Variants in MAP1B observed in about 807,000 individuals in gnomAD.
MAP1B encodes microtubule associated protein 1B, also known as microtubule-associated protein 1B.
A neutral mutation model predicts 176.1 loss-of-function variants in MAP1B; 12 were observed. The observed-to-expected ratio is 0.07, with a 90% CI of 0.04 to 0.11. The LOEUF (loss-of-function observed/expected upper bound fraction) is 0.11, where lower values mean the gene tolerates loss of function less well. Among genes scored for constraint, MAP1B ranks in the 10% least tolerant of loss-of-function variants. The probability of loss-of-function intolerance (pLI) is 1.00; values close to 1 mark genes in which losing one functional copy is unlikely to be tolerated. For missense variants in MAP1B, 2,523 were observed against 2,990.5 expected (o/e 0.84, Z 3.65); for synonymous variants, 1,044 against 1,135.0 (o/e 0.92, Z 1.61).
chr5:72,169,958 T>G (rs1746504100), intron 2 of MAP1B, among the ~76,000 whole-genome samples: 1 of 152,216 alleles, frequency 6.6e-6, no homozygotes, highest in South Asian at 2.1e-4. Context: ...GTATGATGCC[T>G]TATTTTATGG....
intron 2 of MAP1B, among the ~76,000 whole-genome samples, chr5:72,167,165 G>A (rs1235353568): frequency 6.6e-6 from 1 of 152,084 alleles, no homozygotes; most frequent in African/African-American, 2.4e-5. Context: ...ATGGTTTAGC[G>A]TTCTGCTAAA....
intron 3 of MAP1B, among the ~76,000 whole-genome samples, chr5:72,184,264 A>G (rs1466733104): frequency 6.6e-6 from 1 of 152,194 alleles, no homozygotes; most frequent in Non-Finnish European, 1.5e-5. Context: ...GCACACTCCT[A>G]TCGCTGTGGA....
intron 1 of MAP1B, among the ~76,000 whole-genome samples, chr5:72,114,472 A>G (rs781740782): frequency 3.3e-5 from 5 of 152,198 alleles, no homozygotes; most frequent in Admixed American, 6.5e-5. Context: ...TACCTTTAGG[A>G]GGTATGCAAT....
chr5:72,202,401 T>C (rs1284995799), intron 5 of MAP1B, among the ~76,000 whole-genome samples: 2 of 152,258 alleles, frequency 1.3e-5, no homozygotes, highest in African/African-American at 4.8e-5. Context: ...AATTAGCTTA[T>C]CCAATTATTA....
chr5:72,197,613 G>T lies in MAP1B; in HGVS notation c.4258G>T (p.Ala1420Ser). The T allele has an allele frequency of 6.2e-7, 1 of 1,614,202 alleles. No individual in the cohort carries two copies. Among genetic ancestry groups the T allele is most frequent in the Middle Eastern group, 1.6e-4 (1 of 6,062 alleles). ...AAGTTTTCTAAGTGCTGATGACAAGGCTTCTGGCAGAGGTGCCGAAAGTCC... is the reference window on the plus strand; with the variant it reads ...AAGTTTTCTAAGTGCTGATGACAAGTCTTCTGGCAGAGGTGCCGAAAGTCC... Reference protein sequence around the residue: ...YESFLSADDKASGRGAESPFE... With the variant: ...YESFLSADDKSSGRGAESPFE... The change falls in exon 5 of 7, where the codon GCT becomes TCT. Residue 1420 changes from alanine (A) to serine (S), a missense_variant. By Grantham distance (99) the Ala-to-Ser change is moderately conservative (BLOSUM62 1). This residue lies in a region of MAP1B where 1,925 missense variants were observed against 2,126.0 expected (regional missense o/e 0.91). Coordinates refer to ENST00000296755, the MANE Select transcript of MAP1B (RefSeq NM_005909.5).
At chr5:72,115,931 A>C (rs1745427743) in intron 2 of MAP1B, 132 bp downstream of exon 2, 1 of 627,820 alleles carries the variant, frequency 1.6e-6, no homozygotes, top group Admixed American at 2.5e-5. Context: ...ATTATCAACT[A>C]GGTTAGCCAG....
rs1747396525 is a variant in MAP1B at position 72,204,296 on chromosome 5, C to T, written c.7251+495C>T. Among the ~76,000 whole-genome samples, 1 of 152,156 alleles carries T rather than the reference C, an allele frequency of 6.6e-6. No homozygotes were observed. The highest frequency in any genetic ancestry group is 1.5e-5 in the Non-Finnish European group (1 of 68,028). On this transcript the variant is annotated intron_variant, in intron 6 of 6. Coordinates refer to ENST00000296755, the MANE Select transcript of MAP1B (RefSeq NM_005909.5). This position sits in a 1 kb window ranked among gnomAD's most constrained non-coding sequence, Gnocchi z 4.4. Reference sequence around the variant, plus strand: ...GTCCCTCACAGGACACTCCCAACTCCCAAACATCATGCCTGACCACAAACC... The same window carrying T: ...GTCCCTCACAGGACACTCCCAACTCTCAAACATCATGCCTGACCACAAACC...
chr5:72,156,127 G>A (rs1371675517), intron 2 of MAP1B, among the ~76,000 whole-genome samples: 1 of 152,056 alleles, frequency 6.6e-6, no homozygotes, highest in South Asian at 2.1e-4. Context: ...CTCTCTTCCT[G>A]CTTCTCACCT....
chr5:72,162,014 ACAGC>A (rs574261877), intron 2 of MAP1B, among the ~76,000 whole-genome samples: 2,006 of 151,920 alleles, frequency 0.013, 55 homozygotes, highest in African/African-American at 0.045. Flanking sequence ...AACAGAATTG[ACAGC>A]CAGTTCAGAA....
chr5:72,159,790 C>T (rs984086705), intron 2 of MAP1B, among the ~76,000 whole-genome samples: 1 of 152,154 alleles, frequency 6.6e-6, no homozygotes, highest in Non-Finnish European at 1.5e-5. Flanking sequence ...ACCAAGTTCA[C>T]ATTTGAGTCT....
In MAP1B at chr5:72,169,315, A is replaced by C. The variant is rs2112191460; in HGVS notation, c.287-14428A>C. On this transcript the variant is annotated intron_variant, in intron 2 of 6. Coordinates refer to ENST00000296755, the MANE Select transcript of MAP1B (RefSeq NM_005909.5). ...AAGAGCTAGGCAATGTCTTCTTTTT[A>C]ATTATTTATGCATGGCAGTGGGTTT... is the stretch of plus-strand genomic sequence containing the variant. Among the ~76,000 whole-genome samples the C allele has an allele frequency of 2.0e-5, 3 of 152,298 alleles. No homozygotes were observed. The East Asian group carries it at 5.8e-4, about 29-fold the overall frequency.
intron 1 of MAP1B, among the ~76,000 whole-genome samples, chr5:72,110,532 C>G (rs1745311269): frequency 6.6e-6 from 1 of 152,186 alleles, no homozygotes; most frequent in Admixed American, 6.5e-5. Flanking sequence ...TTCCTGTGCA[C>G]GACAAGCTGC....
chr5:72,200,324 T>C lies in MAP1B; in HGVS notation c.6969T>C (p.Ala2323=), dbSNP rs972813288. The change falls in exon 5 of 7, where the codon GCT becomes GCC. Residue 2323 remains alanine, a synonymous_variant. Coordinates refer to ENST00000296755, the MANE Select transcript of MAP1B (RefSeq NM_005909.5). ...AGAAAGACAAGGAGACCAAGAATGC[T>C]GCCAATGCCTCTGCATCCAAGTCGG... The part of the protein sequence containing the change: ...GEEKDKETKN[A]ANASASKSAK... The C allele has an allele frequency of 6.2e-7, 1 of 1,614,156 alleles. No individual in the cohort carries two copies. Among genetic ancestry groups the C allele is most frequent in the Non-Finnish European group, 8.5e-7 (1 of 1,180,016 alleles).
intron 2 of MAP1B, among the ~76,000 whole-genome samples, chr5:72,153,156 C>T (rs961441924): frequency 6.6e-6 from 1 of 152,214 alleles, no homozygotes; most frequent in African/African-American, 2.4e-5. Flanking sequence ...TTTGCTGCTT[C>T]TTTTTGCACA....
At chr5:72,148,238 A>G (rs1746080514) in intron 2 of MAP1B, among the ~76,000 whole-genome samples, 1 of 152,186 alleles carries the variant, frequency 6.6e-6, no homozygotes, top group South Asian at 2.1e-4. Flanking sequence ...TCTTCCATGA[A>G]AATTTCACCC....
rs141224742 is a variant in MAP1B at position 72,197,981 on chromosome 5, G to T, written c.4626G>T (p.Thr1542=). 1 of 1,614,176 alleles carries T rather than the reference G, an allele frequency of 6.2e-7. No homozygotes were observed. Among genetic ancestry groups the T allele is most frequent in the Non-Finnish European group, 8.5e-7 (1 of 1,180,038 alleles). Residue 1542 remains threonine (T), a synonymous_variant, in exon 5 of 7, where the codon ACG becomes ACT. Coordinates refer to ENST00000296755, the MANE Select transcript of MAP1B (RefSeq NM_005909.5). ...TPVDEGVAED[T]YSHMEGVASV... ...TTGATGAGGGCGTAGCAGAAGACAC[G>T]TACTCTCATATGGAGGGTGTGGCCT...
chr5:72,200,277 G>T lies in MAP1B; in HGVS notation c.6922G>T (p.Val2308Phe). ...KAAKPTTTPE[V>F]KAARGEEKDK... is the part of the protein sequence containing the mutation. ...AGCAAAACCCACCACCACTCCTGAG[G>T]TCAAAGCTGCACGTGGGGAAGAGAA... The change falls in exon 5 of 7, where the codon GTC becomes TTC. Residue 2308 changes from valine (V) to phenylalanine (F), a missense_variant. Around this residue, in one of 4 missense-constraint regions of MAP1B, gnomAD observed 287 missense variants for 401.5 expected, o/e 0.71. Transcript: ENST00000296755. The T allele has an allele frequency of 6.2e-7, 1 of 1,614,216 alleles. No individual in the cohort carries two copies. Among genetic ancestry groups the T allele is most frequent in the Non-Finnish European group, 8.5e-7 (1 of 1,180,038 alleles).
chr5:72,199,635 A>C lies in MAP1B; in HGVS notation c.6280A>C (p.Lys2094Gln). 1 of 1,614,148 alleles carries C rather than the reference A, an allele frequency of 6.2e-7. No homozygotes were observed. Among genetic ancestry groups the C allele is most frequent in the Non-Finnish European group, 8.5e-7 (1 of 1,180,036 alleles). The change falls in exon 5 of 7, where the codon AAG becomes CAG. Residue 2094 changes from lysine (K) to glutamine (Q), a missense_variant. Physicochemically the swap from Lys to Gln is moderately conservative, Grantham distance 53. Coordinates refer to ENST00000296755, the MANE Select transcript of MAP1B (RefSeq NM_005909.5). This position sits in a 1 kb window ranked among gnomAD's most constrained non-coding sequence, Gnocchi z 4.2. ...GTCCTCTTGTGAATACAAGCACCCC[A>C]AGACAGAGCTTTCACCCTCTTTCAT... is the stretch of plus-strand genomic sequence containing the variant. ...LVSSCEYKHP[K>Q]TELSPSFINP... is the part of the protein sequence containing the mutation.
At chr5:72,145,820 G>A (rs1746034865) in intron 2 of MAP1B, among the ~76,000 whole-genome samples, 2 of 152,152 alleles carry the variant, frequency 1.3e-5, no homozygotes, top group Non-Finnish European at 2.9e-5. Context: ...CATCCCTATT[G>A]TTTTAGAAAT....
Sources: allele counts gnomAD v4.1 joint callset (sites outside exome capture counted in the v4.1 genomes callset), GRCh38; gene constraint gnomAD v4.1.1; regional missense constraint gnomAD v4.1.1; non-coding constraint Gnocchi (gnomAD v3.1); transcripts MANE v1.5; gene names NCBI Gene and HGNC (gene_info 2026-07-23, HGNC 2026-07-21).